Variants in CLPB observed in about 807,000 individuals in gnomAD.
CLPB encodes ClpB family mitochondrial disaggregase, also known as mitochondrial disaggregase.
In CLPB, 40 loss-of-function variants were observed where a neutral mutation model predicts 78.4. The observed-to-expected ratio is 0.51, with a 90% confidence interval of 0.40 to 0.66. The LOEUF is 0.66. CLPB is among the 30% of genes least tolerant of loss of function. CLPB has a pLI of 0.00. For synonymous variants in CLPB, 333 were observed against 348.0 expected (o/e 0.96, Z 0.48); for missense variants, 780 against 886.9 (o/e 0.88, Z 1.53).
intron 5 of CLPB, among the ~76,000 whole-genome samples, chr11:72,345,115 A>G (rs1950488824): frequency 6.6e-6 from 1 of 152,250 alleles, no homozygotes; most frequent in South Asian, 2.1e-4. Flanking sequence ...ACGGAGGAGA[A>G]GCTTGGTAAT....
At chr11:72,385,807 G>A (rs550940088) in intron 3 of CLPB, among the ~76,000 whole-genome samples, 2 of 152,306 alleles carry the variant, frequency 1.3e-5, no homozygotes, top group African/African-American at 4.8e-5. Flanking sequence ...GGGCGACACA[G>A]CAAGACGCCG....
At position 72,402,963 on chromosome 11, in the gene CLPB, C is replaced by A; in HGVS notation, c.542+3G>T. ...GAGCCCTGTGTGGAAGGTGGTCTCT[C>A]ACCTGTTGTTTCGGTTGATGGCTGC... On this transcript the variant is annotated splice_donor_region_variant and intron_variant, in intron 3 of 15. Coordinates refer to ENST00000538039, the MANE Select transcript of CLPB (RefSeq NM_001258392.3). The A allele has an allele frequency of 6.2e-7, 1 of 1,613,784 alleles. No homozygotes were observed. The highest frequency in any genetic ancestry group is 8.5e-7 in the Non-Finnish European group (1 of 1,179,826).
intron 4 of CLPB, among the ~76,000 whole-genome samples, chr11:72,359,694 A>G (rs1036145678): frequency 4.6e-5 from 7 of 152,210 alleles, no homozygotes; most frequent in Non-Finnish European, 8.8e-5. Flanking sequence ...ATTTTGATAT[A>G]TGTTCTTCCA....
intron 2 of CLPB, among the ~76,000 whole-genome samples, chr11:72,422,191 G>A (rs548521763): frequency 4.0e-5 from 6 of 149,660 alleles, no homozygotes; most frequent in Non-Finnish European, 7.4e-5. Context: ...GCGTGAACCC[G>A]AGAGGCGGAG....
intron 9 of CLPB, among the ~76,000 whole-genome samples, chr11:72,305,335 T>C (rs916455400): frequency 2.6e-5 from 4 of 152,170 alleles, no homozygotes; most frequent in Admixed American, 6.5e-5. Context: ...ATCTTCCCCA[T>C]AGGATCAAAT....
intron 5 of CLPB, among the ~76,000 whole-genome samples, chr11:72,334,056 G>C (rs1242640024): frequency 6.6e-6 from 1 of 152,166 alleles, no homozygotes; most frequent in Non-Finnish European, 1.5e-5. Flanking sequence ...GAGAGAAGAG[G>C]AGGGGCAAGA....
At chr11:72,307,993 G>A (rs1949774748) in intron 8 of CLPB, among the ~76,000 whole-genome samples, 1 of 152,170 alleles carries the variant, frequency 6.6e-6, no homozygotes, top group Non-Finnish European at 1.5e-5. Flanking sequence ...GGTAGTGAAG[G>A]AATGGGGGGG....
At chr11:72,411,059 C>T (rs1157825062) in intron 2 of CLPB, among the ~76,000 whole-genome samples, 1 of 152,198 alleles carries the variant, frequency 6.6e-6, no homozygotes, top group Non-Finnish European at 1.5e-5. Context: ...AGTTATCATA[C>T]AGTCCACAGG....
chr11:72,290,296 C>CTGTT lies in CLPB; in HGVS notation c.*3067_*3070dup, dbSNP rs1271898311. ...GAGCCAATTTGAGCAACCAAATAAA[C>CTGTT]TGTTAGCATTAGATTGTAGCCTGTA... On this transcript the variant is annotated 3_prime_UTR_variant, in exon 16 of 16. Coordinates refer to ENST00000538039, the MANE Select transcript of CLPB (RefSeq NM_001258392.3). The CTGTT allele has an allele frequency of 1.3e-5, 2 of 152,198 alleles. No individual in the cohort carries two copies. Among genetic ancestry groups the CTGTT allele is most frequent in the African/African-American group, 2.4e-5 (1 of 41,456 alleles). 9.4% of individuals were successfully genotyped at this position (152,198 alleles called of 1,614,324 possible).
In CLPB at chr11:72,331,056, A is replaced by T. The variant is rs191262065; in HGVS notation, c.776-1252T>A. The stretch of plus-strand genomic sequence containing the variant: ...TCCTATTGCAAGTCTCTACTTTAAA[A>T]ATTTTTTTATTAAAATTTTAATTAA... On this transcript the variant is annotated intron_variant, in intron 5 of 15. Coordinates refer to ENST00000538039, the MANE Select transcript of CLPB (RefSeq NM_001258392.3). 6.0e-3 allele frequency among the ~76,000 whole-genome samples: 909 copies of T among 152,192 alleles called. 9 individuals are homozygous for T. Among genetic ancestry groups the T allele is most frequent in the African/African-American group, 0.021 (872 of 41,538 alleles).
intron 6 of CLPB, among the ~76,000 whole-genome samples, chr11:72,328,719 C>T (rs1010643261): frequency 1.4e-4 from 22 of 152,236 alleles, no homozygotes; most frequent in Non-Finnish European, 1.5e-5. Context: ...CAGTCCCCGT[C>T]CTGCCACTGA....
intron 2 of CLPB, among the ~76,000 whole-genome samples, chr11:72,426,279 A>G (rs1239678866): frequency 6.6e-6 from 1 of 152,222 alleles, no homozygotes; most frequent in Admixed American, 6.5e-5. Flanking sequence ...CCGGGAGAAC[A>G]GGAGGCCTCA....
intron 5 of CLPB, among the ~76,000 whole-genome samples, chr11:72,350,781 T>C (rs1950600353): frequency 6.6e-6 from 1 of 152,200 alleles, no homozygotes; most frequent in African/African-American, 2.4e-5. Context: ...AAGACAAGAT[T>C]TTCTGGTTTT....
At chr11:72,405,903 G>A (rs1483935927) in intron 2 of CLPB, among the ~76,000 whole-genome samples, 5 of 151,828 alleles carry the variant, frequency 3.3e-5, no homozygotes, top group East Asian at 1.9e-4. Context: ...ACGCCAGCCC[G>A]GGCGACAGAG....
At position 72,293,362 on chromosome 11, in the gene CLPB, G is replaced by A; in HGVS notation, c.*5C>T. The A allele has an allele frequency of 6.2e-7, 1 of 1,611,878 alleles. No homozygotes were observed. The highest frequency in any genetic ancestry group is 8.5e-7 in the Non-Finnish European group (1 of 1,178,182). ...TGAGGGCACATAGGAGCAGGCAGGT[G>A]GCTGCTAGATGGTGTTGCACACCTT... is the stretch of plus-strand genomic sequence containing the variant. On this transcript the variant is annotated 3_prime_UTR_variant, in exon 16 of 16. Transcript: ENST00000538039.
At chr11:72,305,281 C>A (rs2135507375) in intron 9 of CLPB, among the ~76,000 whole-genome samples, 1 of 152,332 alleles carries the variant, frequency 6.6e-6, no homozygotes, top group South Asian at 2.1e-4. Flanking sequence ...TGTAGGGCCT[C>A]AGTTTTCTCA....
intron 9 of CLPB, among the ~76,000 whole-genome samples, chr11:72,305,732 C>T (rs1336637961): frequency 6.6e-6 from 1 of 152,184 alleles, no homozygotes; most frequent in Non-Finnish European, 1.5e-5. Context: ...ATTTGTCTCC[C>T]ATTCAGTTGT....
At chr11:72,323,838 T>G (rs1950086715) in intron 6 of CLPB, among the ~76,000 whole-genome samples, 1 of 152,124 alleles carries the variant, frequency 6.6e-6, no homozygotes, top group African/African-American at 2.4e-5. Context: ...TTTTGATGAT[T>G]ATACTGAGGT....
Position 72,343,800 on chromosome 11 carries a change from G to A in CLPB, c.776-13996C>T, listed in dbSNP as rs545590944. Among the ~76,000 whole-genome samples the A allele has an allele frequency of 6.6e-5, 10 of 152,336 alleles. No individual in the cohort carries two copies. The East Asian group carries it at 1.9e-3, about 29-fold the overall frequency. ...AACAGATGAATGGTCCTGGGTAAAA[G>A]AAACTTCCAACTTATTAGAAAGTAG... is the stretch of plus-strand genomic sequence containing the variant. On this transcript the variant is annotated intron_variant, in intron 5 of 15. Transcript: ENST00000538039.
Sources: allele counts gnomAD v4.1 joint callset (sites outside exome capture counted in the v4.1 genomes callset), GRCh38; gene constraint gnomAD v4.1.1; transcripts MANE v1.5; gene names NCBI Gene and HGNC (gene_info 2026-07-23, HGNC 2026-07-21).